Variants in LIMCH1 observed in about 807,000 individuals in gnomAD.
LIMCH1 encodes the protein LIM and calponin homology domains-containing protein 1.
In LIMCH1, 113 loss-of-function variants were observed where a neutral mutation model predicts 176.5. The observed-to-expected ratio is 0.64, with a 90% CI of 0.55 to 0.75. The LOEUF is 0.75. Ranked by LOEUF, LIMCH1 falls within the 30% of genes least tolerant of loss-of-function variation. LIMCH1 has a pLI of 0.00. For missense variants in LIMCH1, 1,674 were observed against 1,814.9 expected (o/e 0.92, Z 1.41); for synonymous variants, 619 against 645.9 (o/e 0.96, Z 0.63).
chr4:41,387,553 G>A (rs2056664806), intron 1 of LIMCH1, among the ~76,000 whole-genome samples: 1 of 152,200 alleles, frequency 6.6e-6, no homozygotes, highest in East Asian at 1.9e-4. Context: ...AGAACAATGA[G>A]CCTCCTTCAA....
At chr4:41,537,891 G>A (rs2152462003), upstream of LIMCH1, among the ~76,000 whole-genome samples, 1 of 152,292 alleles carries the variant, frequency 6.6e-6, no homozygotes, top group South Asian at 2.1e-4. Flanking sequence ...CTGGAGTCAG[G>A]CAGCAACTTT....
chr4:41,571,826 A>G (rs2083607740), intron 1 of LIMCH1, among the ~76,000 whole-genome samples: 1 of 152,166 alleles, frequency 6.6e-6, no homozygotes, highest in African/African-American at 2.4e-5. Flanking sequence ...GATGGCTTTT[A>G]TAGGGTTTGA....
chr4:41,416,959 A>G (rs1035663869), intron 1 of LIMCH1, among the ~76,000 whole-genome samples: 4 of 152,176 alleles, frequency 2.6e-5, no homozygotes, highest in African/African-American at 9.6e-5. Context: ...TGCAAAAAAT[A>G]TCTTTACATA....
At chr4:41,601,664 A>G (rs936231344) in intron 2 of LIMCH1, among the ~76,000 whole-genome samples, 34 of 152,234 alleles carry the variant, frequency 2.2e-4, no homozygotes, top group African/African-American at 8.2e-4. Context: ...TTCAAAGAAC[A>G]TAAAGAATTT....
intron 3 of LIMCH1, among the ~76,000 whole-genome samples, chr4:41,530,414 A>G (rs184927162): frequency 1.1e-3 from 175 of 152,316 alleles, no homozygotes; most frequent in Middle Eastern, 0.01. Flanking sequence ...CTTCTCTTCT[A>G]GAACTTTACC....
At chr4:41,361,800 C>CGCTTGA (rs1209473219) in intron 1 of LIMCH1, among the ~76,000 whole-genome samples, 1 of 151,758 alleles carries the variant, frequency 6.6e-6, no homozygotes, top group Non-Finnish European at 1.5e-5. Flanking sequence ...GGGTTCAGGA[C>CGCTTGA]GCTTGAAGGG....
At chr4:41,678,711 TGAGA>T (rs941361023) in intron 23 of LIMCH1, among the ~76,000 whole-genome samples, 4 of 150,794 alleles carry the variant, frequency 2.7e-5, no homozygotes, top group East Asian at 2.0e-4. Context: ...GGGGAGGGTG[TGAGA>T]GAGAGAGAGA....
At chr4:41,473,054 C>G (rs539123241) in intron 1 of LIMCH1, 1 of 984,586 alleles carries the variant, frequency 1.0e-6, no homozygotes, top group East Asian at 1.1e-4. Context: ...TAATGTAATT[C>G]CATTCAAGAC....
At chr4:41,514,806 C>G (rs1051312746) in intron 2 of LIMCH1, among the ~76,000 whole-genome samples, 1 of 152,180 alleles carries the variant, frequency 6.6e-6, no homozygotes, top group Non-Finnish European at 1.5e-5. Flanking sequence ...TCTTGCTATG[C>G]CTGTCCTTAG....
intron 2 of LIMCH1, among the ~76,000 whole-genome samples, chr4:41,518,177 G>T (rs1316580928): frequency 6.6e-6 from 1 of 152,118 alleles, no homozygotes; most frequent in Non-Finnish European, 1.5e-5. Context: ...AATCCTTTAA[G>T]AATTTTACCT....
intron 1 of LIMCH1, among the ~76,000 whole-genome samples, chr4:41,480,712 A>T (rs1036171046): frequency 1.3e-5 from 2 of 152,126 alleles, no homozygotes; most frequent in Non-Finnish European, 2.9e-5. Context: ...GAGGCAACCC[A>T]TGTAGCCTAC....
At chr4:41,512,931 TAC>T (rs1157878319) in intron 2 of LIMCH1, among the ~76,000 whole-genome samples, 4 of 152,166 alleles carry the variant, frequency 2.6e-5, no homozygotes, top group Non-Finnish European at 5.9e-5. Context: ...CACAAACACA[TAC>T]ACACACAATG....
rs1207984062 is a variant in LIMCH1 at position 41,682,567 on chromosome 4, A to T, written c.3845+107A>T. ...GATGCAAATTACATTCAGCTTCGAA[A>T]TGAATGTTCCAGTAATACATTACAT... On this transcript the variant is annotated intron_variant, in intron 26 of 31. Transcript: ENST00000503057. 6 of 1,050,792 alleles carry T rather than the reference A, an allele frequency of 5.7e-6. No individual in the cohort carries two copies. In the East Asian group the frequency reaches 1.3e-4, roughly 23 times the overall value. 65.1% of individuals were successfully genotyped at this position (1,050,792 alleles called of 1,614,324 possible). A position where few individuals can be genotyped will look rare whatever the true frequency, so the allele number is the denominator to read the frequency against.
At chr4:41,432,806 A>T (rs111626669) in intron 1 of LIMCH1, among the ~76,000 whole-genome samples, 3,605 of 152,328 alleles carry the variant, frequency 0.024, 160 homozygotes, top group African/African-American at 0.082. Context: ...CATATGGGAG[A>T]TCTTAAAAAG....
intron 21 of LIMCH1, among the ~76,000 whole-genome samples, chr4:41,669,364 G>A (rs937438996): frequency 1.3e-5 from 2 of 152,166 alleles, no homozygotes; most frequent in African/African-American, 2.4e-5. Context: ...AAAGCAAGAT[G>A]TCAGGCAGAA....
intron 1 of LIMCH1, among the ~76,000 whole-genome samples, chr4:41,448,535 A>C (rs1364874122): frequency 2.7e-5 from 4 of 149,168 alleles, no homozygotes; most frequent in Non-Finnish European, 4.5e-5. Flanking sequence ...CAATTCATTA[A>C]TTTTTTTTTT....
At chr4:41,620,828 C>A in intron 7 of LIMCH1, 138 bp downstream of exon 7, 1 of 990,562 alleles carries the variant, frequency 1.0e-6, no homozygotes, top group Non-Finnish European at 1.4e-6. Context: ...CTGCTCTGAG[C>A]ACGTAGATGA....
intron 1 of LIMCH1, among the ~76,000 whole-genome samples, chr4:41,430,436 G>A (rs749602785): frequency 2.0e-5 from 3 of 152,084 alleles, no homozygotes; most frequent in Non-Finnish European, 4.4e-5. Context: ...GCTAATTTTC[G>A]TATTTTTAGT....
At chr4:41,600,533 A>G (rs2089731237) in intron 2 of LIMCH1, among the ~76,000 whole-genome samples, 5 of 152,118 alleles carry the variant, frequency 3.3e-5, no homozygotes, top group Middle Eastern at 6.8e-3. Flanking sequence ...ATGTTACTAA[A>G]CCAGAATTCT....
Sources: gnomAD v4.1 joint callset for allele counts (sites outside exome capture counted in the v4.1 genomes callset) on GRCh38, gnomAD v4.1.1 for gene constraint, MANE v1.5 for transcripts, NCBI Gene and HGNC (gene_info 2026-07-23, HGNC 2026-07-21) for gene names.